The following HMCN2 variants were observed in gnomAD, a reference collection of about 807,000 sequenced individuals.
HMCN2 encodes the protein hemicentin 2.
Under a neutral mutation model 377.5 loss-of-function variants are expected in HMCN2, and 325 were observed. That is an observed-to-expected ratio of 0.86 (90% confidence interval 0.79 to 0.94). The LOEUF (loss-of-function observed/expected upper bound fraction) is 0.94. HMCN2 is among the 40% of genes least tolerant of loss of function. The pLI is 0.00. For missense variants in HMCN2, 4,543 were observed against 4,725.3 expected, an observed-to-expected ratio of 0.96 and a Z score of 1.13; for synonymous variants, 2,007 against 2,046.8, an observed-to-expected ratio of 0.98 and a Z score of 0.53.
intron 1 of HMCN2, among the ~76,000 whole-genome samples, chr9:130,271,341 G>A (rs541914718): frequency 2.0e-5 from 3 of 149,048 alleles, no homozygotes; most frequent in African/African-American, 7.3e-5. Flanking sequence ...TGGTGGGGGA[G>A]TATCTATCTA....
At chr9:130,385,952 C>T (rs1443249484) in intron 60 of HMCN2, among the ~76,000 whole-genome samples, 190 bp downstream of exon 60, 2 of 152,202 alleles carry the variant, frequency 1.3e-5, no homozygotes, top group Admixed American at 6.5e-5. Flanking sequence ...TCTGGAGTCA[C>T]GTTCCAGACC....
intron 54 of HMCN2, 55 bp from the exon 55 acceptor site, chr9:130,382,129 C>A: frequency 1.2e-6 from 1 of 821,600 alleles, no homozygotes; most frequent in Non-Finnish European, 1.5e-6. Context: ...AGCGTCTTTG[C>A]TCTTGGGGGT....
Position 130,277,844 on chromosome 9 carries a change from TCACCAC to T in HMCN2, c.260-6747_260-6742del, listed in dbSNP as rs1280411383. 2.7e-3 allele frequency among the ~76,000 whole-genome samples: 21 copies of T among 7,776 alleles called. 1 individual carries two copies. The highest frequency in any genetic ancestry group is 4.1e-3 in the Non-Finnish European group (17 of 4,184). The allele number at this position is 7,776 out of a possible 152,430, so 5.1% of individuals were successfully genotyped here. ...ATCATCACCACCACCATCATCATCA[TCACCAC>T]CACCACCACCATCATCATCATCACC... On this transcript the variant is annotated intron_variant, in intron 1 of 97. Coordinates refer to ENST00000683500, the MANE Select transcript of HMCN2 (RefSeq NM_001291815.2).
chr9:130,285,531 A>G (rs1554927399), intron 3 of HMCN2, among the ~76,000 whole-genome samples: 1 of 152,208 alleles, frequency 6.6e-6, no homozygotes, highest in Admixed American at 6.5e-5. Context: ...GGCCCAGGCC[A>G]GGGCTCACAC....
rs1372809212 is a variant in HMCN2 at position 130,393,764 on chromosome 9, G to GCCC, written c.10257_10258insCCC (p.Val3419_Glu3420insPro). 2.4e-6 allele frequency: 3 copies of GCCC among 1,271,228 alleles called. No individual in the cohort carries two copies. The highest frequency in any genetic ancestry group is 1.5e-5 in the African/African-American group (1 of 65,270). The allele number at this position is 1,271,228 out of a possible 1,614,324, so 78.7% of individuals were successfully genotyped here. A position where few individuals can be genotyped will look rare whatever the true frequency, so the allele number is the denominator to read the frequency against. On this transcript the variant is annotated inframe_insertion, in exon 68 of 98. Coordinates refer to ENST00000683500, the MANE Select transcript of HMCN2 (RefSeq NM_001291815.2). This position sits in a 1 kb window ranked among gnomAD's most constrained non-coding sequence, Gnocchi z 5.2. ...TAGTGCCCCCTGTCCTGGAGCCGGT[G>GCCC]GAGTTCCAGAATGACGTGGTGGTGG...
At chr9:130,432,770 C>T in intron 97 of HMCN2, 1 of 591,432 alleles carries the variant, frequency 1.7e-6, no homozygotes, top group Non-Finnish European at 3.0e-6. Context: ...CATGCAGACT[C>T]ACACAACCCC....
intron 1 of HMCN2, among the ~76,000 whole-genome samples, chr9:130,268,862 C>A (rs906543475): frequency 5.4e-5 from 8 of 148,482 alleles, no homozygotes; most frequent in African/African-American, 1.9e-4. Context: ...AGTGCAGGGC[C>A]GATTGATGCC....
At chr9:130,384,946 G>C in intron 59 of HMCN2, 148 bp downstream of exon 59, 1 of 426,998 alleles carries the variant, frequency 2.3e-6, no homozygotes, top group Non-Finnish European at 4.2e-6. Context: ...TGAGGAGGGG[G>C]AGCAGTGGGA....
In HMCN2 at chr9:130,358,462, A is replaced by T; in HGVS notation, c.5653A>T (p.Arg1885Trp). The T allele has an allele frequency of 5.4e-6, 7 of 1,304,310 alleles. No homozygotes were observed. Among genetic ancestry groups the T allele is most frequent in the Non-Finnish European group, 7.1e-6 (7 of 988,936 alleles). The allele number at this position is 1,304,310 out of a possible 1,614,324, so 80.8% of individuals were successfully genotyped here. A position where few individuals can be genotyped will look rare whatever the true frequency, so the allele number is the denominator to read the frequency against. The change falls in exon 36 of 98, where the codon AGG becomes TGG. Residue 1885 changes from arginine to tryptophan, a missense_variant. By Grantham distance (101) the Arg-to-Trp change is moderately radical (BLOSUM62 -3). Coordinates refer to ENST00000683500, the MANE Select transcript of HMCN2 (RefSeq NM_001291815.2). The part of the protein sequence containing the change: ...AATNLAGESK[R>W]EVALKVLVPP... The stretch of plus-strand genomic sequence containing the variant: ...TACCAACCTGGCTGGGGAGAGCAAG[A>T]GGGAAGTGGCGCTGAAAGTTTTGGG...
chr9:130,327,742 C>T (rs930212836), intron 22 of HMCN2, among the ~76,000 whole-genome samples: 2,989 of 152,292 alleles, frequency 0.02, 98 homozygotes, highest in African/African-American at 0.067. Context: ...TTAATCTGCA[C>T]GGCCACCCTT....
chr9:130,362,765 C>A (rs184510684), intron 39 of HMCN2, 102 bp from the exon 40 acceptor site: 3 of 892,158 alleles, frequency 3.4e-6, no homozygotes, highest in Non-Finnish European at 2.7e-6. Context: ...GCTGTCCAGG[C>A]GTGCTCGGCA....
intron 32 of HMCN2, 85 bp downstream of exon 32, chr9:130,355,129 T>G: frequency 9.2e-7 from 1 of 1,086,882 alleles, no homozygotes. Context: ...AGAGAGCTCC[T>G]GGAGTGGAGG....
chr9:130,349,783 C>T (rs1839601055), intron 29 of HMCN2, 120 bp downstream of exon 29: 2 of 1,026,840 alleles, frequency 1.9e-6, no homozygotes, highest in Admixed American at 6.1e-5. Context: ...ATGTGCCACC[C>T]AGGGCCCAGA....
At chr9:130,327,143 A>G (rs1180948609) in intron 21 of HMCN2, among the ~76,000 whole-genome samples, 167 bp from the exon 22 acceptor site, 2 of 151,992 alleles carry the variant, frequency 1.3e-5, no homozygotes, top group African/African-American at 4.8e-5. Context: ...CCCACCTCCA[A>G]TCTGGACTCC....
At chr9:130,373,447 C>G (rs1375164868) in intron 48 of HMCN2, among the ~76,000 whole-genome samples, 4 of 152,358 alleles carry the variant, frequency 2.6e-5, no homozygotes, top group Non-Finnish European at 4.4e-5. Context: ...AGCACTGACC[C>G]ACATTGGACC....
Position 130,306,844 on chromosome 9 carries a change from T to A in HMCN2, c.1992T>A (p.Ile664=), listed in dbSNP as rs1836888432. 1 of 470,912 alleles carries A rather than the reference T, an allele frequency of 2.1e-6. No homozygotes were observed. Among genetic ancestry groups the A allele is most frequent in the Non-Finnish European group, 4.4e-6 (1 of 226,904 alleles). The allele number at this position is 470,912 out of a possible 1,614,324, so 29.2% of individuals were successfully genotyped here. The change falls in exon 13 of 98, where the codon ATT becomes ATA. Residue 664 remains isoleucine, a synonymous_variant. Coordinates refer to ENST00000683500, the MANE Select transcript of HMCN2 (RefSeq NM_001291815.2). ...IHVDAQGTLI[I]QGVAPEDAGN... is the part of the protein sequence containing the mutation. ...TGGACGCACAGGGAACCCTGATTAT[T>A]CAGGGGGTAGCCCCAGAGGATGCTG...
chr9:130,415,878 G>T (rs144408862), intron 85 of HMCN2, among the ~76,000 whole-genome samples: 2 of 152,246 alleles, frequency 1.3e-5, no homozygotes, highest in East Asian at 3.9e-4. Flanking sequence ...TTCCCTTTTG[G>T]CTCCTACCAG....
chr9:130,317,725 G>T (rs953142670), intron 15 of HMCN2, among the ~76,000 whole-genome samples: 1 of 150,374 alleles, frequency 6.7e-6, no homozygotes, highest in Non-Finnish European at 1.5e-5. Context: ...GGCAGAGGTC[G>T]CAGGGAGCCG....
At chr9:130,400,994 G>A in intron 77 of HMCN2, 47 bp downstream of exon 77, 3 of 1,254,686 alleles carry the variant, frequency 2.4e-6, no homozygotes, top group Non-Finnish European at 3.1e-6. Flanking sequence ...GGGAGACTGG[G>A]AGAGCAGGCA....
Sources: allele counts gnomAD v4.1 joint callset (sites outside exome capture counted in the v4.1 genomes callset), GRCh38; gene constraint gnomAD v4.1.1; non-coding constraint Gnocchi (gnomAD v3.1); transcripts MANE v1.5; gene names NCBI Gene and HGNC (gene_info 2026-07-23, HGNC 2026-07-21).